Variants in RAP1B observed in about 807,000 individuals in gnomAD.
The protein encoded by RAP1B is RAP1B, member of RAS oncogene family.
A neutral mutation model predicts 27.5 loss-of-function variants in RAP1B; 1 was observed. That is an observed-to-expected ratio of 0.04 (90% CI 0.01 to 0.17). The LOEUF (loss-of-function observed/expected upper bound fraction) is 0.17. Among genes scored for constraint, RAP1B ranks in the 10% least tolerant of loss-of-function variants. The pLI is 1.00. For missense variants in RAP1B, 84 were observed against 214.8 expected (o/e 0.39, Z 3.81); for synonymous variants, 75 against 73.1 (o/e 1.03, Z -0.13).
At chr12:68,622,379 C>T (rs1019422738) in intron 1 of RAP1B, among the ~76,000 whole-genome samples, 5 of 152,186 alleles carry the variant, frequency 3.3e-5, no homozygotes, top group Admixed American at 6.5e-5. Context: ...TAATACCCTC[C>T]GGTCCCAATT....
rs1359105219 is a variant in RAP1B, at chr12:68,670,620, C to G, written c.*11371C>G. 6.6e-6 allele frequency: 1 copy of G among 152,074 alleles called. No individual in the cohort carries two copies. Among genetic ancestry groups the G allele is most frequent in the Non-Finnish European group, 1.5e-5 (1 of 68,022 alleles). 9.4% of individuals were successfully genotyped at this position (152,074 alleles called of 1,614,324 possible). On this transcript the variant is annotated 3_prime_UTR_variant, in exon 8 of 8. Transcript: ENST00000250559. ...ATTTAATACCCTGATAAATCCATCA[C>G]AAAGCTGAAAAATTATAAGTAAAAC...
At chr12:68,624,469 T>C (rs192968250) in intron 1 of RAP1B, 1 of 152,306 alleles carries the variant, frequency 6.6e-6, no homozygotes, top group Admixed American at 6.5e-5. Context: ...AGGAATATTA[T>C]AAATAGGACT....
At chr12:68,627,263 C>T in intron 1 of RAP1B, 1 of 1,016,024 alleles carries the variant, frequency 9.8e-7, no homozygotes, top group Non-Finnish European at 1.5e-6. Flanking sequence ...TAGAGCAACC[C>T]ATACAATACA....
intron 1 of RAP1B, among the ~76,000 whole-genome samples, chr12:68,621,278 C>T (rs1871368266): frequency 6.6e-6 from 1 of 152,168 alleles, no homozygotes. Context: ...GCTGTTCTAG[C>T]AATTCTGAAT....
At chr12:68,648,929 C>A in intron 2 of RAP1B, 148 bp downstream of exon 2, 1 of 705,372 alleles carries the variant, frequency 1.4e-6, no homozygotes, top group Non-Finnish European at 2.3e-6. Context: ...TTTTATTCAA[C>A]TTTTAATTAT....
intron 1 of RAP1B, among the ~76,000 whole-genome samples, chr12:68,631,092 A>C (rs191070158): frequency 6.6e-6 from 1 of 152,146 alleles, no homozygotes; most frequent in Admixed American, 6.6e-5. Flanking sequence ...TGTAACTTCA[A>C]TGTGCCTTAG....
intron 1 of RAP1B, among the ~76,000 whole-genome samples, chr12:68,635,837 G>C (rs937423706): frequency 5.3e-5 from 8 of 152,000 alleles, no homozygotes; most frequent in Non-Finnish European, 1.2e-4. Flanking sequence ...AACAACTTGA[G>C]ATTGGAGAAC....
chr12:68,640,350 C>G (rs1190106895), intron 1 of RAP1B, among the ~76,000 whole-genome samples: 2 of 151,944 alleles, frequency 1.3e-5, no homozygotes, highest in African/African-American at 2.4e-5. Flanking sequence ...ACAGCTGACA[C>G]TTTATACTGA....
rs1437584882 is a variant in RAP1B, at chr12:68,642,493, A to G, written c.-26-6206A>G. ...CCAGAATGTGTAATACAAGGGCCAG[A>G]ACTTCCTCCTGGACTCAATTTTATA... On this transcript the variant is annotated intron_variant, in intron 1 of 7. Coordinates refer to ENST00000250559, the MANE Select transcript of RAP1B (RefSeq NM_001010942.3). The G allele has an allele frequency of 8.0e-6, 7 of 876,994 alleles. No individual in the cohort carries two copies. The East Asian group carries it at 1.7e-4, about 22-fold the overall frequency. The allele number at this position is 876,994 out of a possible 1,614,324, so 54.3% of individuals were successfully genotyped here.
At chr12:68,612,671 C>G (rs1365839117) in intron 1 of RAP1B, among the ~76,000 whole-genome samples, 1 of 152,182 alleles carries the variant, frequency 6.6e-6, no homozygotes, top group Non-Finnish European at 1.5e-5. Flanking sequence ...GGAGAAAAAA[C>G]CACTTGAGTA....
intron 1 of RAP1B, among the ~76,000 whole-genome samples, chr12:68,645,945 A>G (rs1446641822): frequency 1.3e-5 from 2 of 152,218 alleles, no homozygotes; most frequent in Non-Finnish European, 2.9e-5. Context: ...CATGTGGTAT[A>G]TTTTAATCAA....
intron 1 of RAP1B, among the ~76,000 whole-genome samples, chr12:68,611,284 C>T (rs1347123670): frequency 6.6e-6 from 1 of 150,566 alleles, no homozygotes; most frequent in Non-Finnish European, 1.5e-5. Context: ...CGCGGGAGAA[C>T]AGCGCGCTTT....
chr12:68,649,103 A>G, intron 2 of RAP1B: 1 of 219,922 alleles, frequency 4.5e-6, no homozygotes. Flanking sequence ...CTTTTTATTT[A>G]TTTATTTTTT....
intron 1 of RAP1B, among the ~76,000 whole-genome samples, chr12:68,636,725 GT>G (rs58164003): frequency 6.0e-5 from 9 of 151,006 alleles, no homozygotes; most frequent in African/African-American, 1.9e-4. Flanking sequence ...TATCCCTGCT[GT>G]TTTTTTTTGA....
intron 1 of RAP1B, among the ~76,000 whole-genome samples, chr12:68,621,696 C>T (rs1871396752): frequency 6.6e-6 from 1 of 152,136 alleles, no homozygotes; most frequent in Non-Finnish European, 1.5e-5. Context: ...CAGTTCTGGT[C>T]AACAGGAATG....
rs181536916 is a variant in RAP1B, at chr12:68,671,291, A to C, written c.*12042A>C. On this transcript the variant is annotated 3_prime_UTR_variant, in exon 8 of 8. Coordinates refer to ENST00000250559, the MANE Select transcript of RAP1B (RefSeq NM_001010942.3). Reference sequence around the variant, plus strand: ...GATGGAAATGTGCATTGTAGAGCTGATATCTGTTCAAATTAAATATGCATA... The same window carrying C: ...GATGGAAATGTGCATTGTAGAGCTGCTATCTGTTCAAATTAAATATGCATA... The C allele has an allele frequency of 2.0e-5, 3 of 152,294 alleles. No homozygotes were observed. Among genetic ancestry groups the C allele is most frequent in the Admixed American group, 6.5e-5 (1 of 15,288 alleles). The allele number at this position is 152,294 out of a possible 1,614,324, so 9.4% of individuals were successfully genotyped here.
At chr12:68,633,869 C>CA (rs552996293) in intron 1 of RAP1B, among the ~76,000 whole-genome samples, 60 of 151,778 alleles carry the variant, frequency 4.0e-4, no homozygotes, top group African/African-American at 1.4e-3. Flanking sequence ...GACTCTGTCT[C>CA]AAAAAAACAA....
intron 1 of RAP1B, chr12:68,642,711 C>CT: frequency 8.8e-7 from 1 of 1,132,410 alleles, no homozygotes. Context: ...GATTTCACAT[C>CT]TTTTTCTTCG....
chr12:68,627,391 AACAC>A, intron 1 of RAP1B: 1 of 607,208 alleles, frequency 1.6e-6, no homozygotes, highest in Admixed American at 2.5e-5. Context: ...TGTTTTTTAA[AACAC>A]ACAAATATAC....
Sources: allele counts gnomAD v4.1 joint callset (sites outside exome capture counted in the v4.1 genomes callset), GRCh38; gene constraint gnomAD v4.1.1; transcripts MANE v1.5; gene names NCBI Gene and HGNC (gene_info 2026-07-23, HGNC 2026-07-21).